ADGRL2: variants seen among roughly 807,000 people sequenced by gnomAD.
ADGRL2 encodes the protein adhesion G protein-coupled receptor L2.
ADGRL2 carries 44 observed loss-of-function variants against 157.4 expected under a neutral mutation model. The observed-to-expected ratio is 0.28, with a 90% confidence interval of 0.22 to 0.36. The LOEUF (loss-of-function observed/expected upper bound fraction) is 0.36, where lower values mean the gene tolerates loss of function less well. Ranked by LOEUF, ADGRL2 falls within the 10% of genes least tolerant of loss-of-function variation. The pLI is 1.00. For synonymous variants in ADGRL2, 585 were observed against 624.7 expected, an observed-to-expected ratio of 0.94 and a Z score of 0.95; for missense variants, 1,510 against 1,768.9, an observed-to-expected ratio of 0.85 and a Z score of 2.63.
At chr1:81,977,029 C>T (rs899504797) in intron 17 of ADGRL2, among the ~76,000 whole-genome samples, 1 of 151,776 alleles carries the variant, frequency 6.6e-6, no homozygotes, top group African/African-American at 2.4e-5. Flanking sequence ...AATCTTTTCA[C>T]CCAGAATAAA....
chr1:81,973,872 G>A (rs758526438), intron 17 of ADGRL2, among the ~76,000 whole-genome samples: 2 of 152,094 alleles, frequency 1.3e-5, no homozygotes, highest in African/African-American at 4.8e-5. Flanking sequence ...GTACAAAACA[G>A]CGTCTTGCAA....
chr1:81,856,699 A>G (rs1479994825), intron 2 of ADGRL2, among the ~76,000 whole-genome samples: 1 of 152,148 alleles, frequency 6.6e-6, no homozygotes, highest in African/African-American at 2.4e-5. Flanking sequence ...TTGATGGCTA[A>G]TTTGTGAGCT....
At chr1:81,882,988 G>A (rs1571894813) in intron 2 of ADGRL2, among the ~76,000 whole-genome samples, 1 of 152,230 alleles carries the variant, frequency 6.6e-6, no homozygotes, top group East Asian at 1.9e-4. Flanking sequence ...TTTATTGACA[G>A]CATTTTTGCT....
chr1:81,906,323 T>A (rs1049194489), intron 2 of ADGRL2, among the ~76,000 whole-genome samples: 11 of 152,186 alleles, frequency 7.2e-5, no homozygotes, highest in African/African-American at 2.7e-4. Flanking sequence ...CATACCAGTA[T>A]GTCACCCAGT....
chr1:81,330,640 G>A (rs1661208488), intron 1 of ADGRL2, among the ~76,000 whole-genome samples: 1 of 151,960 alleles, frequency 6.6e-6, no homozygotes, highest in Non-Finnish European at 1.5e-5. Flanking sequence ...TTATACCATG[G>A]CATTATCATC....
At chr1:81,816,582 A>G (rs1259928354) in intron 1 of ADGRL2, among the ~76,000 whole-genome samples, 2 of 151,888 alleles carry the variant, frequency 1.3e-5, no homozygotes, top group African/African-American at 4.8e-5. Flanking sequence ...AATTAGTATC[A>G]ATGTATAGGT....
At chr1:81,342,263 A>G (rs1015095947) in intron 1 of ADGRL2, among the ~76,000 whole-genome samples, 2 of 152,200 alleles carry the variant, frequency 1.3e-5, no homozygotes, top group African/African-American at 4.8e-5. Context: ...TTAAATGTCC[A>G]TATGTTTTAG....
At chr1:81,971,558 A>C (rs1047993200) in intron 16 of ADGRL2, among the ~76,000 whole-genome samples, 1 of 152,180 alleles carries the variant, frequency 6.6e-6, no homozygotes, top group Non-Finnish European at 1.5e-5. Context: ...GTCTTAGGGA[A>C]GTCAGAAGTC....
At chr1:81,357,981 G>A (rs1663435939) in intron 1 of ADGRL2, among the ~76,000 whole-genome samples, 1 of 152,138 alleles carries the variant, frequency 6.6e-6, no homozygotes, top group East Asian at 1.9e-4. Context: ...AAGAATATGG[G>A]GGTAATAATA....
At chr1:81,919,703 T>G (rs573601713) in intron 3 of ADGRL2, among the ~76,000 whole-genome samples, 1 of 152,296 alleles carries the variant, frequency 6.6e-6, no homozygotes, top group Admixed American at 6.5e-5. Context: ...TATCATTAAT[T>G]AATAGAATTC....
intron 1 of ADGRL2, among the ~76,000 whole-genome samples, chr1:81,827,453 CCAAA>C (rs1269302715): frequency 9.9e-5 from 15 of 152,182 alleles, no homozygotes; most frequent in Non-Finnish European, 2.9e-5. Flanking sequence ...TACTCTCATG[CCAAA>C]CAAAGTAGTA....
At chr1:81,582,707 G>A (rs1408655476) in intron 3 of ADGRL2, among the ~76,000 whole-genome samples, 1 of 152,124 alleles carries the variant, frequency 6.6e-6, no homozygotes, top group African/African-American at 2.4e-5. Flanking sequence ...TACTATTAAA[G>A]TCATTGGTCC....
intron 3 of ADGRL2, among the ~76,000 whole-genome samples, chr1:81,619,731 ATGTGTGTGTGTGTG>A (rs34153343): frequency 0.02 from 2,961 of 149,556 alleles, 45 homozygotes; most frequent in Non-Finnish European, 0.029. Context: ...GGGTGTGTGT[ATGTGTGTGTGTGTG>A]TGTGTGTGTG....
Position 81,477,662 on chromosome 1 carries a change from C to T in ADGRL2, c.-248+32573C>T, listed in dbSNP as rs111601466. On this transcript the variant is annotated intron_variant, in intron 2 of 24. Transcript: ENST00000370721. ...GTTAGTTTATTAATCCTGTAAAGAA[C>T]AAAACAGATGCATGCAGCCATTTAG... Among the ~76,000 whole-genome samples the T allele has an allele frequency of 8.7e-3, 1,326 of 152,190 alleles. 24 individuals are homozygous for T. The highest frequency in any genetic ancestry group is 0.03 in the African/African-American group (1,233 of 41,522).
At chr1:81,960,511 G>A (rs1369068218) in intron 11 of ADGRL2, among the ~76,000 whole-genome samples, 1 of 148,780 alleles carries the variant, frequency 6.7e-6, no homozygotes, top group Non-Finnish European at 1.5e-5. Context: ...ATCTTCCTCT[G>A]TTGCCCAGGC....
rs1171664554 is a variant in ADGRL2, at chr1:81,936,816, C to T, written c.376C>T (p.Gln126Ter). 6.2e-7 allele frequency: 1 copy of T among 1,605,260 alleles called. No individual in the cohort carries two copies. ...CPGTYKYLEVQYECVPYMEQK... is the reference protein window; with the variant it reads ...CPGTYKYLEV ...TGGAACATACAAATACCTTGAAGTC[C>T]AATATGAATGTGTCCCTTACAGTAA... The change falls in exon 4 of 24, where the codon CAA (glutamine) becomes TAA (stop). Residue 126 changes from glutamine to a stop codon, truncating the protein, a stop_gained. Coordinates refer to ENST00000686636, the MANE Select transcript of ADGRL2 (RefSeq NM_001366006.2). LOFTEE classifies it high-confidence loss of function.
chr1:81,976,296 G>C (rs2149387860), intron 17 of ADGRL2, among the ~76,000 whole-genome samples: 1 of 151,828 alleles, frequency 6.6e-6, no homozygotes, highest in East Asian at 1.9e-4. Flanking sequence ...TAATTAATTA[G>C]TCTTGAAATG....
chr1:81,542,680 A>G (rs187591285), intron 2 of ADGRL2, among the ~76,000 whole-genome samples: 43 of 152,308 alleles, frequency 2.8e-4, no homozygotes, highest in African/African-American at 9.9e-4. Flanking sequence ...TACAGTGGCT[A>G]TTATTTTGAT....
intron 1 of ADGRL2, among the ~76,000 whole-genome samples, chr1:81,406,095 C>T (rs909102350): frequency 1.3e-5 from 2 of 152,138 alleles, no homozygotes; most frequent in East Asian, 1.9e-4. Flanking sequence ...GCTCTCTTTA[C>T]TGAGATCAGA....
Sources: gnomAD v4.1 joint callset for allele counts (sites outside exome capture counted in the v4.1 genomes callset) on GRCh38, gnomAD v4.1.1 for gene constraint, MANE v1.5 for transcripts, NCBI Gene and HGNC (gene_info 2026-07-23, HGNC 2026-07-21) for gene names.